GNPDA1: variants seen among roughly 807,000 people sequenced by gnomAD.
GNPDA1 encodes the protein glucosamine-6-phosphate deaminase 1.
Under a neutral mutation model 28.5 loss-of-function variants are expected in GNPDA1, and 24 were observed. The ratio of observed to expected loss-of-function variants is 0.84; its 90% CI spans 0.61 to 1.19. GNPDA1 has a LOEUF of 1.19. GNPDA1 is among the 50% of genes most tolerant of loss of function. GNPDA1 has a pLI of 0.00. For synonymous variants in GNPDA1, 147 were observed against 139.3 expected, an observed-to-expected ratio of 1.06 and a Z score of -0.39; for missense variants, 264 against 367.3, an observed-to-expected ratio of 0.72 and a Z score of 2.30.
chr5:142,006,744 C>G (rs1208785780), intron 3 of GNPDA1, among the ~76,000 whole-genome samples: 1 of 152,168 alleles, frequency 6.6e-6, no homozygotes, highest in African/African-American at 2.4e-5. Flanking sequence ...CCCAGTTCTA[C>G]CCCACTCAGC....
rs908995138 is a variant in GNPDA1 at position 142,003,736 on chromosome 5, G to A, written c.595-474C>T. ...GCCTCTAAGGCTGAATCCCAGAAAGGTTGCCCCATTATCTGGTCACTTTCA... is the reference window on the plus strand; with the variant it reads ...GCCTCTAAGGCTGAATCCCAGAAAGATTGCCCCATTATCTGGTCACTTTCA... On this transcript the variant is annotated intron_variant, in intron 5 of 6. Coordinates refer to ENST00000311337, the MANE Select transcript of GNPDA1 (RefSeq NM_005471.5). The surrounding 1 kb of genome is among the most constrained non-coding windows in gnomAD (Gnocchi z 4.0). Among the ~76,000 whole-genome samples, 1 of 152,192 alleles carries A rather than the reference G, an allele frequency of 6.6e-6. No individual in the cohort carries two copies. Among genetic ancestry groups the A allele is most frequent in the East Asian group, 1.9e-4 (1 of 5,200 alleles).
chr5:142,003,961 G>C lies in GNPDA1; in HGVS notation c.595-699C>G, dbSNP rs1755739735. Among the ~76,000 whole-genome samples, 1 of 152,186 alleles carries C rather than the reference G, an allele frequency of 6.6e-6. No homozygotes were observed. Among genetic ancestry groups the C allele is most frequent in the Admixed American group, 6.5e-5 (1 of 15,276 alleles). On this transcript the variant is annotated intron_variant, in intron 5 of 6. Transcript: ENST00000311337. The surrounding 1 kb of genome is among the most constrained non-coding windows in gnomAD (Gnocchi z 4.0). The stretch of plus-strand genomic sequence containing the variant: ...GATTTCCTTTCATTTTAATTCACAT[G>C]TGCCACAGAGTTGTGAACAGGATTT...
At position 142,001,441 on chromosome 5, in the gene GNPDA1, G is replaced by T. The variant is rs1755676101; in HGVS notation, c.*588C>A. 6.6e-6 allele frequency: 1 copy of T among 150,654 alleles called. No individual in the cohort carries two copies. The highest frequency in any genetic ancestry group is 6.6e-5 in the Admixed American group (1 of 15,128). The allele number at this position is 150,654 out of a possible 1,614,324, so 9.3% of individuals were successfully genotyped here. A position where few individuals can be genotyped will look rare whatever the true frequency, so the allele number is the denominator to read the frequency against. On this transcript the variant is annotated 3_prime_UTR_variant, in exon 7 of 7. Coordinates refer to ENST00000311337, the MANE Select transcript of GNPDA1 (RefSeq NM_005471.5). ...CCCCACCCACCCAAATCCACCCCCAGGTTCTCCTAGTTCAGAGAAAAGCTG... is the reference window on the plus strand; with the variant it reads ...CCCCACCCACCCAAATCCACCCCCATGTTCTCCTAGTTCAGAGAAAAGCTG...
chr5:142,005,427 T>TC (rs1374921341), intron 4 of GNPDA1: 1 of 222,844 alleles, frequency 4.5e-6, no homozygotes, highest in Non-Finnish European at 8.9e-6. Context: ...AGCTTCTGCC[T>TC]CCCCAGATTG....
intron 2 of GNPDA1, among the ~76,000 whole-genome samples, chr5:142,011,083 A>C (rs1372939379): frequency 6.6e-6 from 1 of 152,104 alleles, no homozygotes; most frequent in Non-Finnish European, 1.5e-5. Flanking sequence ...AGAAGCTGGG[A>C]CTACAGGTGA....
chr5:142,006,458 A>T lies in GNPDA1; in HGVS notation c.227-132T>A, dbSNP rs1755807587. On this transcript the variant is annotated intron_variant, in intron 3 of 6. Coordinates refer to ENST00000311337, the MANE Select transcript of GNPDA1 (RefSeq NM_005471.5). The stretch of plus-strand genomic sequence containing the variant: ...TGCCCATCTGGGAGCCTTAGGCACC[A>T]GCCCTCTGACCCCTAGCCACTCGGC... 4.6e-6 allele frequency: 3 copies of T among 645,434 alleles called. No homozygotes were observed. In the South Asian group the frequency reaches 5.6e-5, roughly 12 times the overall value. The allele number at this position is 645,434 out of a possible 1,614,324, so 40.0% of individuals were successfully genotyped here.
chr5:142,012,077 A>T, intron 1 of GNPDA1, 36 bp from the exon 2 acceptor site: 1 of 1,567,078 alleles, frequency 6.4e-7, no homozygotes, highest in Non-Finnish European at 8.7e-7. Context: ...GAAAGGAATC[A>T]ATGGTAAGGG....
chr5:142,006,821 C>CTT (rs76438387), intron 3 of GNPDA1, among the ~76,000 whole-genome samples: 5 of 144,342 alleles, frequency 3.5e-5, no homozygotes, highest in Admixed American at 6.9e-5. Flanking sequence ...CCCAGATCAA[C>CTT]TTTTTTTTTT....
intron 2 of GNPDA1, among the ~76,000 whole-genome samples, chr5:142,011,289 C>T (rs1554086019): frequency 1.6e-4 from 24 of 149,934 alleles, no homozygotes. Context: ...CCAACACACA[C>T]ACACACACAT....
intron 2 of GNPDA1, among the ~76,000 whole-genome samples, chr5:142,010,536 A>T (rs1755922667): frequency 7.0e-6 from 1 of 142,444 alleles, no homozygotes; most frequent in Admixed American, 7.0e-5. Context: ...TTTGAGACAG[A>T]ATCTTGCTCT....
intron 5 of GNPDA1, among the ~76,000 whole-genome samples, chr5:142,004,375 A>G (rs577919416): frequency 6.6e-6 from 1 of 152,278 alleles, no homozygotes; most frequent in African/African-American, 2.4e-5. Context: ...AAATGCTTCT[A>G]AAGTTCTAAT....
chr5:142,002,275 C>T (rs935676115), intron 6 of GNPDA1, 146 bp from the exon 7 acceptor site: 15 of 585,974 alleles, frequency 2.6e-5, no homozygotes, highest in Non-Finnish European at 3.6e-5. Flanking sequence ...TGATAAACAC[C>T]CTAAGAGTAT....
intron 2 of GNPDA1, among the ~76,000 whole-genome samples, chr5:142,010,401 G>A (rs1190614484): frequency 3.3e-5 from 5 of 151,836 alleles, no homozygotes; most frequent in African/African-American, 1.2e-4. Flanking sequence ...TCAAATGATC[G>A]ACCCACCTCA....
chr5:142,000,775 A>C lies in GNPDA1; in HGVS notation c.*1254T>G, dbSNP rs1192660340. On this transcript the variant is annotated 3_prime_UTR_variant, in exon 7 of 7. Transcript: ENST00000311337. The stretch of plus-strand genomic sequence containing the variant: ...CGGCACAATCACATAGAAAAGCTAA[A>C]GACAAAACACTGGTACCAAACATAG... 6.6e-6 allele frequency: 1 copy of C among 152,400 alleles called. No homozygotes were observed. Among genetic ancestry groups the C allele is most frequent in the Non-Finnish European group, 1.5e-5 (1 of 68,054 alleles). The allele number at this position is 152,400 out of a possible 1,614,324, so 9.4% of individuals were successfully genotyped here.
chr5:142,011,138 A>G (rs928067049), intron 2 of GNPDA1, among the ~76,000 whole-genome samples: 1 of 151,994 alleles, frequency 6.6e-6, no homozygotes, highest in African/African-American at 2.4e-5. Context: ...AAACAACAGA[A>G]GGGTTAAGTT....
intron 3 of GNPDA1, among the ~76,000 whole-genome samples, chr5:142,007,357 A>G (rs1277130772): frequency 6.6e-6 from 1 of 152,274 alleles, no homozygotes; most frequent in East Asian, 1.9e-4. Context: ...AAGGATACCA[A>G]TCTCAGGTCC....
Position 142,003,044 on chromosome 5 carries a change from A to G in GNPDA1, c.769+44T>C, listed in dbSNP as rs1261069422. On this transcript the variant is annotated intron_variant, in intron 6 of 6. Coordinates refer to ENST00000311337, the MANE Select transcript of GNPDA1 (RefSeq NM_005471.5). The surrounding 1 kb of genome is among the most constrained non-coding windows in gnomAD (Gnocchi z 4.0). ...TGGATCTACTCCTTACTCCTAGCACACCCTAAGCTTGACCACCTCCTCCTG... is the reference window on the plus strand; with the variant it reads ...TGGATCTACTCCTTACTCCTAGCACGCCCTAAGCTTGACCACCTCCTCCTG... 1 of 1,534,666 alleles carries G rather than the reference A, an allele frequency of 6.5e-7. No homozygotes were observed. The highest frequency in any genetic ancestry group is 8.9e-7 in the Non-Finnish European group (1 of 1,124,010).
At chr5:142,008,548 G>A (rs1755862386) in intron 2 of GNPDA1, among the ~76,000 whole-genome samples, 1 of 152,154 alleles carries the variant, frequency 6.6e-6, no homozygotes, top group Non-Finnish European at 1.5e-5. Flanking sequence ...AAAACATGGT[G>A]AAACCCTGTC....
Position 142,011,986 on chromosome 5 carries a change from G to A in GNPDA1, c.50C>T (p.Ala17Val). The A allele has an allele frequency of 1.9e-6, 3 of 1,612,860 alleles. No individual in the cohort carries two copies. Among genetic ancestry groups the A allele is most frequent in the Non-Finnish European group, 2.5e-6 (3 of 1,178,934 alleles). ...EHYSQASEWA[A>V]KYIRNRIIQF... ...GATGATGCGGTTCCTGATGTATTTA[G>A]CCGCCCACTCGCTCGCCTGAGAATA... Residue 17 changes from alanine (A) to valine (V), a missense_variant, in exon 2 of 7, where the codon GCT becomes GTT. Transcript: ENST00000311337.
Sources: allele counts gnomAD v4.1 joint callset (sites outside exome capture counted in the v4.1 genomes callset), GRCh38; gene constraint gnomAD v4.1.1; non-coding constraint Gnocchi (gnomAD v3.1); transcripts MANE v1.5; gene names NCBI Gene and HGNC (gene_info 2026-07-23, HGNC 2026-07-21).